Variants in AP3D1 observed in about 807,000 individuals in gnomAD.
AP3D1 encodes the protein adaptor related protein complex 3 subunit delta 1, also known as AP-3 complex subunit delta-1.
In AP3D1, 51 loss-of-function variants were observed where a neutral mutation model predicts 147.6. The ratio of observed to expected loss-of-function variants is 0.35; its 90% CI spans 0.28 to 0.44. The LOEUF (loss-of-function observed/expected upper bound fraction) is 0.44, where lower values mean the gene tolerates loss of function less well. Ranked by LOEUF, AP3D1 falls within the 20% of genes least tolerant of loss-of-function variation. The pLI is 1.00. For missense variants in AP3D1, 1,421 were observed against 1,624.2 expected (o/e 0.87, Z 2.15); for synonymous variants, 760 against 663.0 (o/e 1.15, Z -2.25).
intron 1 of AP3D1, among the ~76,000 whole-genome samples, chr19:2,140,218 C>T (rs2019183439): frequency 6.6e-6 from 1 of 152,096 alleles, no homozygotes; most frequent in African/African-American, 2.4e-5. Context: ...CTCACGAGGG[C>T]AAAGGGGATG....
chr19:2,125,347 C>CA lies in AP3D1; in HGVS notation c.857-1469_857-1468insT, dbSNP rs146676234. On this transcript the variant is annotated intron_variant, in intron 9 of 31. Coordinates refer to ENST00000643116, the MANE Select transcript of AP3D1 (RefSeq NM_001261826.3). ...TTTCGTTTTTTGAGAAGAAGTTTCG[C>CA]TCTTGTTGCCCAGGCTGGAGTGCAA... 3.9e-3 allele frequency among the ~76,000 whole-genome samples: 598 copies of CA among 152,220 alleles called. 2 individuals carry two copies. The highest frequency in any genetic ancestry group is 0.014 in the African/African-American group (578 of 41,538).
At chr19:2,157,918 T>C (rs1038208188) in intron 1 of AP3D1, among the ~76,000 whole-genome samples, 39 of 152,320 alleles carry the variant, frequency 2.6e-4, no homozygotes, top group African/African-American at 9.1e-4. Flanking sequence ...CTGGCAAGGA[T>C]AGTGGTGATG....
chr19:2,103,919 C>T (rs1290643406), intron 31 of AP3D1, among the ~76,000 whole-genome samples: 3 of 152,156 alleles, frequency 2.0e-5, no homozygotes, highest in African/African-American at 4.8e-5. Flanking sequence ...GCCAAGATCA[C>T]ATCACCCAGA....
At chr19:2,135,483 C>A (rs980749076) in intron 4 of AP3D1, among the ~76,000 whole-genome samples, 3 of 152,208 alleles carry the variant, frequency 2.0e-5, no homozygotes, top group Non-Finnish European at 2.9e-5. Flanking sequence ...TTGCGGTGAG[C>A]CGACATCACG....
Position 2,116,732 on chromosome 19 carries a change from G to C in AP3D1, c.1874C>G (p.Ala625Gly). The C allele has an allele frequency of 6.2e-7, 1 of 1,611,070 alleles. No homozygotes were observed. Among genetic ancestry groups the C allele is most frequent in the Non-Finnish European group, 8.5e-7 (1 of 1,178,874 alleles). The change falls in exon 17 of 32, where the codon GCC becomes GGC. Residue 625 changes from alanine to glycine, a missense_variant. Transcript: ENST00000643116. The stretch of plus-strand genomic sequence containing the variant: ...GTCCGAGAGTGGCTCATTGATCCAG[G>C]CGTCCAGGTCCAGGCTGCACCGGAC... ...VPVPEGLDLD[A>G]WINEPLSDSE...
At position 2,137,800 on chromosome 19, in the gene AP3D1, A is replaced by G; in HGVS notation, c.200T>C (p.Met67Thr). ...GGCCCAGCTGATGTCGTATCCCAAC[A>G]TCTGTAACTGTTAAGGGACGCACAG... ...NAVCKLTYLQMLGYDISWAAF... is the reference protein window; with the variant it reads ...NAVCKLTYLQTLGYDISWAAF... The change falls in exon 3 of 32, where the codon ATG becomes ACG. Residue 67 changes from methionine to threonine, a missense_variant. Physicochemically the swap from Met to Thr is moderately conservative, Grantham distance 81. This residue lies in a region of AP3D1 where 292 missense variants were observed against 412.0 expected (regional missense o/e 0.71). Coordinates refer to ENST00000643116, the MANE Select transcript of AP3D1 (RefSeq NM_001261826.3). 6.2e-7 allele frequency: 1 copy of G among 1,613,906 alleles called. No individual in the cohort carries two copies. Among genetic ancestry groups the G allele is most frequent in the South Asian group, 1.1e-5 (1 of 91,082 alleles).
intron 1 of AP3D1, among the ~76,000 whole-genome samples, chr19:2,159,011 T>A (rs1599507906): frequency 6.7e-6 from 1 of 149,244 alleles, no homozygotes; most frequent in South Asian, 2.1e-4. Context: ...TTTTTTTTTT[T>A]AATGGAGTCT....
At position 2,102,315 on chromosome 19, in the gene AP3D1, T is replaced by C. The variant is rs2017977728; in HGVS notation, c.3553-47A>G. The C allele has an allele frequency of 4.0e-6, 6 of 1,518,048 alleles. No individual in the cohort carries two copies. The East Asian group carries it at 1.4e-4, about 34-fold the overall frequency. 94.0% of individuals were successfully genotyped at this position (1,518,048 alleles called of 1,614,324 possible). A position where few individuals can be genotyped will look rare whatever the true frequency, so the allele number is the denominator to read the frequency against. ...ATATTTTAAAAGTGTGTGCAGGGGC[T>C]AGGCACGGTGGCTCAAGTCTGTGAT... On this transcript the variant is annotated intron_variant, in intron 31 of 31. Coordinates refer to ENST00000643116, the MANE Select transcript of AP3D1 (RefSeq NM_001261826.3).
rs956993821 is a variant in AP3D1 at position 2,120,911 on chromosome 19, T to C, written c.1432A>G (p.Ile478Val). 6.2e-7 allele frequency: 1 copy of C among 1,611,366 alleles called. No individual in the cohort carries two copies. ...GCGGCAGCGTACAGCACCTCACAGA[T>C]CCCGTTCCGCTGGGTGCTGCTGGCC... is the stretch of plus-strand genomic sequence containing the variant. Reference protein sequence around the residue: ...LLASSTQRNGICEVLYAAAWI... With the variant: ...LLASSTQRNGVCEVLYAAAWI... Residue 478 changes from isoleucine to valine, a missense_variant, in exon 14 of 32, where the codon ATC becomes GTC. Around this residue, in one of 6 missense-constraint regions of AP3D1, gnomAD observed 310 missense variants for 388.1 expected, o/e 0.80. Transcript: ENST00000643116.
chr19:2,113,092 C>T (rs2018332870), intron 23 of AP3D1, 125 bp from the exon 24 acceptor site: 2 of 692,188 alleles, frequency 2.9e-6, no homozygotes, highest in Non-Finnish European at 4.8e-6. Context: ...GGCCACAGTG[C>T]CCTCCGAGTG....
chr19:2,107,750 AAAAAG>A (rs1005595458), intron 31 of AP3D1, among the ~76,000 whole-genome samples: 3 of 151,954 alleles, frequency 2.0e-5, no homozygotes, highest in East Asian at 1.9e-4. Flanking sequence ...AAAAAAAAAA[AAAAAG>A]AAAAGTGCAA....
intron 24 of AP3D1, 132 bp downstream of exon 24, chr19:2,112,728 G>A (rs891541255): frequency 1.3e-5 from 8 of 611,894 alleles, no homozygotes; most frequent in Middle Eastern, 3.8e-4. Flanking sequence ...CAAAAGGCCC[G>A]TGAGAACGCC....
At position 2,145,515 on chromosome 19, in the gene AP3D1, G is replaced by A. The variant is rs529997963; in HGVS notation, c.96+5724C>T. ...CATGGAGTGGGTGGAGGCCGGGTAC[G>A]CTGCTCAGTGCCCTGCAGTGCCCCA... On this transcript the variant is annotated intron_variant, in intron 1 of 31. Coordinates refer to ENST00000643116, the MANE Select transcript of AP3D1 (RefSeq NM_001261826.3). 2.8e-4 allele frequency among the ~76,000 whole-genome samples: 43 copies of A among 152,286 alleles called. No individual in the cohort carries two copies. In the East Asian group the frequency reaches 6.8e-3, roughly 24 times the overall value.
chr19:2,139,172 G>A (rs1242486668), intron 1 of AP3D1, among the ~76,000 whole-genome samples: 1 of 152,118 alleles, frequency 6.6e-6, no homozygotes, highest in African/African-American at 2.4e-5. Context: ...AGACAGGAAG[G>A]GGATTCGTGG....
intron 24 of AP3D1, 34 bp downstream of exon 24, chr19:2,112,825 GC>G: frequency 6.5e-7 from 1 of 1,548,918 alleles, no homozygotes; most frequent in Non-Finnish European, 8.8e-7. Flanking sequence ...GGCTCATGCA[GC>G]CCTCCACAGC....
At chr19:2,150,132 G>T (rs1055251073) in intron 1 of AP3D1, among the ~76,000 whole-genome samples, 2 of 152,342 alleles carry the variant, frequency 1.3e-5, no homozygotes, top group East Asian at 3.9e-4. Flanking sequence ...AGAGGGACAT[G>T]GGCTGAGGGA....
At position 2,127,219 on chromosome 19, in the gene AP3D1, G is replaced by A. The variant is rs1038124408; in HGVS notation, c.807-18C>T. The stretch of plus-strand genomic sequence containing the variant: ...CAGACGTGCTAAGGAAAGGAACACA[G>A]GGAAGCGGCATGAGGACTGGGGGCC... On this transcript the variant is annotated intron_variant, in intron 8 of 31. Coordinates refer to ENST00000643116, the MANE Select transcript of AP3D1 (RefSeq NM_001261826.3). 5.0e-6 allele frequency: 8 copies of A among 1,613,036 alleles called. No individual in the cohort carries two copies. Among genetic ancestry groups the A allele is most frequent in the Non-Finnish European group, 4.2e-6 (5 of 1,179,900 alleles).
intron 2 of AP3D1, among the ~76,000 whole-genome samples, 190 bp downstream of exon 2, chr19:2,138,429 G>T (rs2145139455): frequency 6.6e-6 from 1 of 152,342 alleles, no homozygotes; most frequent in South Asian, 2.1e-4. Context: ...GCCACCCTCT[G>T]GCCTGTTTGC....
At chr19:2,109,526 G>A in intron 29 of AP3D1, 1 of 488,742 alleles carries the variant, frequency 2.0e-6, no homozygotes, top group Non-Finnish European at 3.7e-6. Context: ...GCAGAGGACG[G>A]CCTGTGAGGA....
Sources: gnomAD v4.1 joint callset for allele counts (sites outside exome capture counted in the v4.1 genomes callset) on GRCh38, gnomAD v4.1.1 for gene constraint, gnomAD v4.1.1 regional missense constraint, MANE v1.5 for transcripts, NCBI Gene and HGNC (gene_info 2026-07-23, HGNC 2026-07-21) for gene names.